The following WDFY4 variants were observed in gnomAD, a reference collection of about 807,000 sequenced individuals.
WDFY4 encodes the protein WD repeat- and FYVE domain-containing protein 4.
Under a neutral mutation model 351.9 loss-of-function variants are expected in WDFY4, and 169 were observed. That is an observed-to-expected ratio of 0.48 (90% CI 0.42 to 0.55). The LOEUF (loss-of-function observed/expected upper bound fraction) is 0.55. WDFY4 is among the 20% of genes least tolerant of loss of function. The pLI, the probability that WDFY4 is intolerant of heterozygous loss-of-function variation, is 0.00. For missense variants in WDFY4, 3,803 were observed against 3,935.6 expected (o/e 0.97, Z 0.90); for synonymous variants, 1,622 against 1,574.6 (o/e 1.03, Z -0.71).
In WDFY4 at chr10:48,978,340, T is replaced by C. The variant is rs61733237; in HGVS notation, c.9323T>C (p.Val3108Ala). Residue 3108 changes from valine to alanine, a missense_variant, in exon 60 of 62, where the codon GTT becomes GCT. Around this residue, in one of 3 missense-constraint regions of WDFY4, gnomAD observed 3,054 missense variants for 3,148.6 expected, o/e 0.97. Coordinates refer to ENST00000325239, the MANE Select transcript of WDFY4 (RefSeq NM_001394531.1). ...VWKTEDVKMSVPGRPAGEEPP... is the reference protein window; with the variant it reads ...VWKTEDVKMSAPGRPAGEEPP... ...AAGACTGAGGATGTGAAGATGTCTG[T>C]TCCTGGACGGCCAGCAGGAGAGGAG... 4,948 of 1,551,430 alleles carry C rather than the reference T, an allele frequency of 3.2e-3. 155 individuals are homozygous for C. The African/African-American group carries it at 0.06, about 19-fold the overall frequency.
Position 48,941,828 on chromosome 10 carries a change from A to T in WDFY4, c.7609A>T (p.Ile2537Phe), listed in dbSNP as rs1840781662. Residue 2537 changes from isoleucine (I) to phenylalanine (F), a missense_variant, in exon 48 of 62, where the codon ATC becomes TTC. Coordinates refer to ENST00000325239, the MANE Select transcript of WDFY4 (RefSeq NM_001394531.1). ...SLRRYPGSDR[I>F]MLQKWQKRDI... The stretch of plus-strand genomic sequence containing the variant: ...CAGGAGATACCCCGGCTCTGACAGG[A>T]TCATGCTGCAGAAGTGGCAGGTACA... 2 of 1,552,222 alleles carry T rather than the reference A, an allele frequency of 1.3e-6. No homozygotes were observed. Among genetic ancestry groups the T allele is most frequent in the Non-Finnish European group, 1.7e-6 (2 of 1,147,110 alleles).
rs536690006 is a variant in WDFY4, at chr10:48,807,920, C to T, written c.4800C>T (p.Leu1600=). 9.7e-6 allele frequency: 15 copies of T among 1,551,212 alleles called. No individual in the cohort carries two copies. The highest frequency in any genetic ancestry group is 1.3e-5 in the Non-Finnish European group (15 of 1,146,794). Reference sequence around the variant, plus strand: ...GAAACCAGTTGCTGGAGATGCTGCTCAGTGTAATATCTTCCCCCCAGCTTC... The same window carrying T: ...GAAACCAGTTGCTGGAGATGCTGCTTAGTGTAATATCTTCCCCCCAGCTTC... ...WLRNQLLEML[L]SVISSPQLHL... is the part of the protein sequence containing the mutation. The change falls in exon 28 of 62, where the codon CTC becomes CTT. Residue 1600 remains leucine (L), a synonymous_variant. Coordinates refer to ENST00000325239, the MANE Select transcript of WDFY4 (RefSeq NM_001394531.1).
At position 48,904,119 on chromosome 10, in the gene WDFY4, A is replaced by G. The variant is rs188730782; in HGVS notation, c.7586+2256A>G. Among the ~76,000 whole-genome samples, 211 of 152,372 alleles carry G rather than the reference A, an allele frequency of 1.4e-3. 1 individual carries two copies. The highest frequency in any genetic ancestry group is 4.6e-3 in the Admixed American group (71 of 15,308). On this transcript the variant is annotated intron_variant, in intron 47 of 61. Coordinates refer to ENST00000325239, the MANE Select transcript of WDFY4 (RefSeq NM_001394531.1). ...ACATGAGAGTCATTGATGACCTTCA[A>G]TAGACTAATTGCAGTGGCTACCAGC...
chr10:48,750,833 CTCTT>C (rs1400865256), intron 12 of WDFY4, among the ~76,000 whole-genome samples: 2 of 152,246 alleles, frequency 1.3e-5, no homozygotes, highest in Admixed American at 1.3e-4. Flanking sequence ...GTGTTCAAAT[CTCTT>C]TCTTCTGCTT....
intron 3 of WDFY4, 68 bp downstream of exon 3, chr10:48,720,193 C>A (rs2064034643): frequency 6.9e-7 from 1 of 1,454,582 alleles, no homozygotes. Flanking sequence ...CCTCCCAGGC[C>A]TCTCAGGCCC....
At chr10:48,901,963 G>A in intron 47 of WDFY4, 100 bp downstream of exon 47, 1 of 1,093,154 alleles carries the variant, frequency 9.1e-7, no homozygotes, top group Non-Finnish European at 1.4e-6. Flanking sequence ...CAGAGAGCAT[G>A]CCCAACAGTT....
chr10:48,714,178 G>A (rs2063836965), intron 2 of WDFY4, among the ~76,000 whole-genome samples: 1 of 152,188 alleles, frequency 6.6e-6, no homozygotes, highest in Non-Finnish European at 1.5e-5. Context: ...ATGTCACCAG[G>A]GCAGTCTGCT....
At chr10:48,928,353 CGTGTGTGT>C (rs3081490) in intron 47 of WDFY4, among the ~76,000 whole-genome samples, 2,984 of 125,024 alleles carry the variant, frequency 0.024, 66 homozygotes, top group African/African-American at 0.061. Context: ...TTGGTTTTGA[CGTGTGTGT>C]GTGTGTGTGT....
chr10:48,889,936 T>G (rs1383039269), intron 43 of WDFY4, among the ~76,000 whole-genome samples: 1 of 152,198 alleles, frequency 6.6e-6, no homozygotes, highest in Admixed American at 6.5e-5. Context: ...AGACTGCCCC[T>G]GGGAAGAGGA....
At chr10:48,856,329 T>C (rs113467353) in intron 39 of WDFY4, among the ~76,000 whole-genome samples, 1 of 152,114 alleles carries the variant, frequency 6.6e-6, no homozygotes, top group African/African-American at 2.4e-5. Flanking sequence ...AGATTCCACA[T>C]CTCAACTTAC....
intron 12 of WDFY4, among the ~76,000 whole-genome samples, chr10:48,750,158 T>C (rs192342615): frequency 6.6e-6 from 1 of 152,342 alleles, no homozygotes; most frequent in East Asian, 1.9e-4. Context: ...GTTATATCTG[T>C]CACTTAAGTT....
chr10:48,754,210 G>T (rs1477367872), intron 12 of WDFY4, among the ~76,000 whole-genome samples: 1 of 148,772 alleles, frequency 6.7e-6, no homozygotes, highest in Non-Finnish European at 1.5e-5. Context: ...AAGGGACATT[G>T]ATCCCTTGGA....
At chr10:48,874,682 C>T (rs1410385049) in intron 41 of WDFY4, among the ~76,000 whole-genome samples, 2 of 152,110 alleles carry the variant, frequency 1.3e-5, no homozygotes, top group African/African-American at 4.8e-5. Flanking sequence ...AATAAGTAGC[C>T]TGCTCACTGT....
At chr10:48,700,959 T>A (rs1287657425) in intron 1 of WDFY4, among the ~76,000 whole-genome samples, 5 of 152,274 alleles carry the variant, frequency 3.3e-5, no homozygotes, top group Non-Finnish European at 5.9e-5. Context: ...TAACCATTTT[T>A]AAATGTATAG....
intron 11 of WDFY4, among the ~76,000 whole-genome samples, chr10:48,742,673 C>T (rs2064889578): frequency 6.6e-6 from 1 of 152,110 alleles, no homozygotes; most frequent in African/African-American, 2.4e-5. Context: ...GAGCACTCGA[C>T]CTGGGATGAG....
intron 32 of WDFY4, among the ~76,000 whole-genome samples, chr10:48,818,913 A>C (rs1179831925): frequency 6.6e-6 from 1 of 152,202 alleles, no homozygotes; most frequent in African/African-American, 2.4e-5. Context: ...GGAGAGATCA[A>C]GGGCGAGCCT....
chr10:48,908,700 C>T (rs956310968), intron 47 of WDFY4, among the ~76,000 whole-genome samples: 1 of 151,962 alleles, frequency 6.6e-6, no homozygotes, highest in Non-Finnish European at 1.5e-5. Context: ...CACTGTACAC[C>T]TTTCACTTAA....
chr10:48,904,256 T>A lies in WDFY4; in HGVS notation c.7586+2393T>A, dbSNP rs540415260. ...CAGCAGTGGGTCGCTGGAGTTGGGG[T>A]GGCTGTTTACCAACTGTAATGGGCA... On this transcript the variant is annotated intron_variant, in intron 47 of 61. Coordinates refer to ENST00000325239, the MANE Select transcript of WDFY4 (RefSeq NM_001394531.1). Among the ~76,000 whole-genome samples, 9 of 152,274 alleles carry A rather than the reference T, an allele frequency of 5.9e-5. 1 individual carries two copies. In the South Asian group the frequency reaches 1.7e-3, roughly 28 times the overall value.
At chr10:48,972,450 C>G (rs1343402223) in intron 57 of WDFY4, among the ~76,000 whole-genome samples, 2 of 152,034 alleles carry the variant, frequency 1.3e-5, no homozygotes, top group Non-Finnish European at 2.9e-5. Flanking sequence ...ATATTTTATT[C>G]TATTTTCACT....
Sources: gnomAD v4.1 joint callset for allele counts (sites outside exome capture counted in the v4.1 genomes callset) on GRCh38, gnomAD v4.1.1 for gene constraint, gnomAD v4.1.1 regional missense constraint, MANE v1.5 for transcripts, NCBI Gene and HGNC (gene_info 2026-07-23, HGNC 2026-07-21) for gene names.